Variants in ATP10B observed in about 807,000 individuals in gnomAD.
ATP10B encodes the protein ATPase phospholipid transporting 10B (putative), also known as phospholipid-transporting ATPase VB.
Under a neutral mutation model 141.2 loss-of-function variants are expected in ATP10B, and 122 were observed. The observed-to-expected ratio is 0.86, with a 90% CI of 0.75 to 1.00. ATP10B has a LOEUF of 1.00. Among genes scored for constraint, ATP10B ranks in the 50% least tolerant of loss-of-function variants. The probability of loss-of-function intolerance (pLI) is 0.00; values close to 1 mark genes in which losing one functional copy is unlikely to be tolerated. For synonymous variants in ATP10B, 685 were observed against 692.0 expected, an observed-to-expected ratio of 0.99 and a Z score of 0.16; for missense variants, 1,876 against 1,825.3, an observed-to-expected ratio of 1.03 and a Z score of -0.51.
chr5:160,632,575 G>C (rs1759011653), intron 12 of ATP10B: 1 of 349,444 alleles, frequency 2.9e-6, no homozygotes, highest in Admixed American at 4.3e-5. Flanking sequence ...TACTAGTTAT[G>C]TGACTTTGAG....
At position 160,671,063 on chromosome 5, in the gene ATP10B, G is replaced by C. The variant is rs757788723; in HGVS notation, c.471-396C>G. 5.3e-5 allele frequency among the ~76,000 whole-genome samples: 8 copies of C among 151,168 alleles called. No homozygotes were observed. The South Asian group carries it at 6.3e-4, about 12-fold the overall frequency. On this transcript the variant is annotated intron_variant, in intron 6 of 25. Coordinates refer to ENST00000327245, the MANE Select transcript of ATP10B (RefSeq NM_025153.3). ...GCCTGTAGTCCCAGCTGCTCGGGAG[G>C]CTGAGGCAGGAGAAACGCTTGAACC...
intron 2 of ATP10B, among the ~76,000 whole-genome samples, chr5:160,764,294 T>C (rs1372678128): frequency 1.3e-5 from 2 of 151,992 alleles, no homozygotes; most frequent in Non-Finnish European, 2.9e-5. Flanking sequence ...CTGATGAACA[T>C]AGACGCAAAA....
chr5:160,698,878 C>T (rs759061082), intron 3 of ATP10B, among the ~76,000 whole-genome samples: 11 of 152,138 alleles, frequency 7.2e-5, no homozygotes, highest in Non-Finnish European at 1.2e-4. Flanking sequence ...CAGAGGCAGG[C>T]GTGAATCCAG....
chr5:160,876,673 A>C, the ATP10B span, among the ~76,000 whole-genome samples: 2 of 152,126 alleles, frequency 1.3e-5, no homozygotes, highest in Non-Finnish European at 2.9e-5. Context: ...GTAGAATCAA[A>C]TAGACACAAT....
chr5:160,605,106 C>T (rs1248837467), intron 19 of ATP10B, among the ~76,000 whole-genome samples: 3 of 152,182 alleles, frequency 2.0e-5, no homozygotes, highest in Non-Finnish European at 4.4e-5. Context: ...ATTCAGCCTG[C>T]AGGCCATAGT....
At position 160,640,509 on chromosome 5, in the gene ATP10B, A is replaced by T. The variant is rs759552085; in HGVS notation, c.952T>A (p.Phe318Ile). 3 of 1,614,140 alleles carry T rather than the reference A, an allele frequency of 1.9e-6. No individual in the cohort carries two copies. The highest frequency in any genetic ancestry group is 1.7e-5 in the Admixed American group (1 of 60,020). ...KIERRMNIDI[F>I]FCIGILILMC... ...AGGATGAGGATCCCAATGCAGAAGA[A>T]GATGTCTATATTCATGCGCCGCTCA... The change falls in exon 10 of 26, where the codon TTC becomes ATC. Residue 318 changes from phenylalanine to isoleucine, a missense_variant. By Grantham distance (21) the Phe-to-Ile change is conservative. Transcript: ENST00000327245.
chr5:160,921,319 T>A, the ATP10B span, among the ~76,000 whole-genome samples: 1 of 152,130 alleles, frequency 6.6e-6, no homozygotes, highest in Non-Finnish European at 1.5e-5. Context: ...TGTTTCATAA[T>A]TGTACATAAA....
chr5:160,634,556 C>T lies in ATP10B; in HGVS notation c.1179G>A (p.Gly393=), dbSNP rs1759211673. 1 of 1,614,044 alleles carries T rather than the reference C, an allele frequency of 6.2e-7. No individual in the cohort carries two copies. Among genetic ancestry groups the T allele is most frequent in the Non-Finnish European group, 8.5e-7 (1 of 1,179,956 alleles). ...LYVSIELVKL[G]QVFFLSNDLD... ...GGTCATTGCTCAAGAAGAACACTTG[C>T]CCGAGCTTCACCAGCTCAATGGAGA... The change falls in exon 12 of 26, where the codon GGG becomes GGA. Residue 393 remains glycine, a synonymous_variant. Transcript: ENST00000327245.
rs759444888 is a variant in ATP10B, at chr5:160,612,860, C to T, written c.2719G>A (p.Ala907Thr). The T allele has an allele frequency of 6.2e-6, 10 of 1,614,098 alleles. No individual in the cohort carries two copies. In the South Asian group the frequency reaches 9.9e-5, roughly 16 times the overall value. Reference protein sequence around the residue: ...VPDTIATLREAGIQLWVLTGD... With the variant: ...VPDTIATLRETGIQLWVLTGD... ...GTCAGGACCCAGAGCTGGATCCCAG[C>T]CTCCCGCAGAGTGGCAATCGTATCT... Residue 907 changes from alanine to threonine, a missense_variant, in exon 18 of 26, where the codon GCT (alanine) becomes ACT (threonine). Ala to Thr is a moderately conservative substitution (Grantham distance 58). Coordinates refer to ENST00000327245, the MANE Select transcript of ATP10B (RefSeq NM_025153.3).
chr5:160,916,397 G>GGTTTTTTTTTTTTTTTTTTT, the ATP10B span, among the ~76,000 whole-genome samples: 1 of 151,896 alleles, frequency 6.6e-6, no homozygotes, highest in African/African-American at 2.4e-5. Flanking sequence ...GGCAAAAGAT[G>GGTTTTTTTTTTTTTTTTTTT]TTTTTTTTGT....
At chr5:160,731,317 A>G (rs1466478042) in intron 2 of ATP10B, among the ~76,000 whole-genome samples, 2 of 152,234 alleles carry the variant, frequency 1.3e-5, no homozygotes, top group Admixed American at 6.5e-5. Context: ...ATGATCAGCC[A>G]TGCTGTACCT....
chr5:160,902,059 T>C, the ATP10B span, among the ~76,000 whole-genome samples: 1 of 152,206 alleles, frequency 6.6e-6, no homozygotes, highest in Non-Finnish European at 1.5e-5. Flanking sequence ...CTTCTACTAA[T>C]TCCTGATGGA....
At chr5:160,929,328 C>T in the ATP10B span, among the ~76,000 whole-genome samples, 1 of 152,146 alleles carries the variant, frequency 6.6e-6, no homozygotes, top group African/African-American at 2.4e-5. Context: ...CTGCTACCAC[C>T]CCCAGATATC....
At chr5:160,619,249 C>A (rs1758187492) in intron 15 of ATP10B, among the ~76,000 whole-genome samples, 1 of 152,150 alleles carries the variant, frequency 6.6e-6, no homozygotes, top group African/African-American at 2.4e-5. Context: ...ATTTAAACAC[C>A]ATAAATATTA....
chr5:160,648,199 T>C (rs928987527), intron 8 of ATP10B, among the ~76,000 whole-genome samples: 1 of 152,240 alleles, frequency 6.6e-6, no homozygotes, highest in Non-Finnish European at 1.5e-5. Context: ...GACAATGTTC[T>C]CTAGAAGTCC....
At chr5:160,883,142 TACTC>T in the ATP10B span, among the ~76,000 whole-genome samples, 1 of 152,224 alleles carries the variant, frequency 6.6e-6, no homozygotes, top group East Asian at 1.9e-4. Flanking sequence ...ACTTACTAAA[TACTC>T]AGGAATAGAA....
At chr5:160,836,882 C>G (rs1001412528) in intron 1 of ATP10B, among the ~76,000 whole-genome samples, 9 of 152,092 alleles carry the variant, frequency 5.9e-5, no homozygotes, top group Non-Finnish European at 1.2e-4. Context: ...TTTCCCTGAA[C>G]TGTGAGGTTA....
chr5:160,837,795 T>C (rs1198609523), intron 1 of ATP10B, among the ~76,000 whole-genome samples: 1 of 152,152 alleles, frequency 6.6e-6, no homozygotes, highest in Non-Finnish European at 1.5e-5. Context: ...TATTTCCCCA[T>C]GATCCATCCT....
intron 1 of ATP10B, among the ~76,000 whole-genome samples, chr5:160,837,616 TATC>T (rs916024796): frequency 5.9e-5 from 4 of 67,908 alleles, no homozygotes; most frequent in Non-Finnish European, 7.6e-5. Flanking sequence ...GTCATTAAAA[TATC>T]ATTTGTTGTA....
Sources: allele counts gnomAD v4.1 joint callset (sites outside exome capture counted in the v4.1 genomes callset), GRCh38; gene constraint gnomAD v4.1.1; transcripts MANE v1.5; gene names NCBI Gene and HGNC (gene_info 2026-07-23, HGNC 2026-07-21).